Variants in MCC observed in about 807,000 individuals in gnomAD.
MCC encodes the protein colorectal mutant cancer protein.
Under a neutral mutation model 116.2 loss-of-function variants are expected in MCC, and 90 were observed. That is an observed-to-expected ratio of 0.77 (90% CI 0.65 to 0.92). The LOEUF (loss-of-function observed/expected upper bound fraction) is 0.92. Ranked by LOEUF, MCC falls within the 40% of genes least tolerant of loss-of-function variation. The probability of loss-of-function intolerance (pLI) is 0.00; values close to 1 mark genes in which losing one functional copy is unlikely to be tolerated. For synonymous variants in MCC, 578 were observed against 510.5 expected (o/e 1.13, Z -1.78); for missense variants, 1,516 against 1,312.2 (o/e 1.16, Z -2.40).
chr5:113,248,872 G>A (rs1041807848), intron 3 of MCC, among the ~76,000 whole-genome samples: 4 of 139,790 alleles, frequency 2.9e-5, no homozygotes, highest in Non-Finnish European at 6.1e-5. Flanking sequence ...GTGTCACCCA[G>A]GCTAGAGTGC....
intron 1 of MCC, among the ~76,000 whole-genome samples, chr5:113,425,424 A>G (rs531634963): frequency 1.3e-5 from 2 of 152,332 alleles, no homozygotes; most frequent in African/African-American, 4.8e-5. Context: ...AAAGAGAAAC[A>G]CAGTATATTG....
chr5:113,169,366 C>A (rs1306574567), intron 3 of MCC, among the ~76,000 whole-genome samples: 1 of 152,134 alleles, frequency 6.6e-6, no homozygotes, highest in Admixed American at 6.5e-5. Flanking sequence ...CTTTCCTCTG[C>A]AGGACCATTC....
intron 1 of MCC, among the ~76,000 whole-genome samples, chr5:113,393,100 G>A (rs1769439565): frequency 6.6e-6 from 1 of 152,004 alleles, no homozygotes; most frequent in Admixed American, 6.6e-5. Context: ...TAAAAACAAG[G>A]TCAAGAAGCA....
intron 4 of MCC, among the ~76,000 whole-genome samples, chr5:113,145,674 G>GCAGCC (rs1759451910): frequency 6.6e-6 from 1 of 151,894 alleles, no homozygotes; most frequent in Non-Finnish European, 1.5e-5. Flanking sequence ...TGGCCAACCA[G>GCAGCC]CAGCCCTCGC....
At chr5:113,053,136 G>C in intron 15 of MCC, among the ~76,000 whole-genome samples, 1 of 152,136 alleles carries the variant, frequency 6.6e-6, no homozygotes, top group East Asian at 1.9e-4. Flanking sequence ...TTCCAAGAAA[G>C]CTCCCTTCTG....
At chr5:113,063,619 C>G (rs142195268) in intron 14 of MCC, among the ~76,000 whole-genome samples, 1 of 152,126 alleles carries the variant, frequency 6.6e-6, no homozygotes, top group Non-Finnish European at 1.5e-5. Flanking sequence ...TTGGAGCAAA[C>G]GGCTCTTGGC....
intron 1 of MCC, among the ~76,000 whole-genome samples, chr5:113,387,965 T>C (rs558522195): frequency 3.9e-5 from 6 of 152,288 alleles, no homozygotes; most frequent in African/African-American, 9.6e-5. Flanking sequence ...CGGAACTGAC[T>C]ACCTCACTAA....
chr5:113,417,350 G>A (rs921539485), intron 1 of MCC, among the ~76,000 whole-genome samples: 5 of 152,136 alleles, frequency 3.3e-5, no homozygotes, highest in African/African-American at 1.2e-4. Flanking sequence ...GGCATTTTAG[G>A]AAAAGTCCCA....
chr5:113,095,920 G>C (rs1052451312), intron 8 of MCC, among the ~76,000 whole-genome samples: 2 of 152,188 alleles, frequency 1.3e-5, no homozygotes, highest in African/African-American at 4.8e-5. Flanking sequence ...GCACTGGTAA[G>C]TGGCTCCCTG....
At chr5:113,182,731 G>A (rs1178385580) in intron 3 of MCC, among the ~76,000 whole-genome samples, 1 of 152,192 alleles carries the variant, frequency 6.6e-6, no homozygotes, top group Non-Finnish European at 1.5e-5. Flanking sequence ...CTTCATACCT[G>A]TTGGTGAACT....
At chr5:113,290,218 A>C (rs1024483149) in intron 3 of MCC, among the ~76,000 whole-genome samples, 2 of 152,224 alleles carry the variant, frequency 1.3e-5, no homozygotes, top group East Asian at 3.9e-4. Flanking sequence ...TCTATGGCCT[A>C]ATTCAGAAGT....
chr5:113,257,263 G>A (rs1156305205), intron 3 of MCC, among the ~76,000 whole-genome samples: 1 of 152,132 alleles, frequency 6.6e-6, no homozygotes, highest in Non-Finnish European at 1.5e-5. Flanking sequence ...TCAGGCTGGT[G>A]ACAGATTTGG....
intron 2 of MCC, among the ~76,000 whole-genome samples, chr5:113,353,101 A>C (rs1480722416): frequency 6.6e-6 from 1 of 152,056 alleles, no homozygotes; most frequent in Non-Finnish European, 1.5e-5. Context: ...AGCCAGGCTG[A>C]CCTTCTGTAT....
chr5:113,303,860 G>C (rs1442556171), intron 3 of MCC, among the ~76,000 whole-genome samples: 1 of 151,992 alleles, frequency 6.6e-6, no homozygotes, highest in Non-Finnish European at 1.5e-5. Flanking sequence ...TCACCATGTT[G>C]GCCAGGCTGG....
intron 17 of MCC, among the ~76,000 whole-genome samples, chr5:113,042,258 G>C (rs1751758244): frequency 6.8e-6 from 1 of 147,772 alleles, no homozygotes; most frequent in Non-Finnish European, 1.5e-5. Flanking sequence ...GATCACTTGA[G>C]CCCAGGAGTT....
chr5:113,286,409 C>A (rs899786296), intron 3 of MCC, among the ~76,000 whole-genome samples: 7 of 152,234 alleles, frequency 4.6e-5, no homozygotes, highest in African/African-American at 1.7e-4. Flanking sequence ...GTATTTCTCA[C>A]AACCCCAGCT....
chr5:113,461,719 T>G (rs1406447772), intron 1 of MCC, among the ~76,000 whole-genome samples: 1 of 146,042 alleles, frequency 6.8e-6, no homozygotes, highest in Admixed American at 7.0e-5. Context: ...TAGAATGGAT[T>G]TTAAGGATGA....
At chr5:113,263,737 G>A (rs184198694) in intron 3 of MCC, among the ~76,000 whole-genome samples, 2 of 152,116 alleles carry the variant, frequency 1.3e-5, no homozygotes, top group South Asian at 2.1e-4. Context: ...TATTACCTAC[G>A]GGGGTTATCT....
chr5:113,288,946 G>A (rs1010796717), intron 3 of MCC, among the ~76,000 whole-genome samples: 3 of 152,188 alleles, frequency 2.0e-5, no homozygotes, highest in African/African-American at 7.2e-5. Flanking sequence ...TAGAAAATGT[G>A]ATTCAGAGTT....
Sources: allele counts gnomAD v4.1 joint callset (sites outside exome capture counted in the v4.1 genomes callset), GRCh38; gene constraint gnomAD v4.1.1; transcripts MANE v1.5; gene names NCBI Gene and HGNC (gene_info 2026-07-23, HGNC 2026-07-21).